TXNRD1: variants seen among roughly 807,000 people sequenced by gnomAD.
TXNRD1 encodes thioredoxin reductase 1, cytoplasmic.
TXNRD1 carries 57 observed loss-of-function variants against 80.3 expected under a neutral mutation model. That is an observed-to-expected ratio of 0.71 (90% CI 0.57 to 0.89). TXNRD1 has a LOEUF of 0.89. Among genes scored for constraint, TXNRD1 ranks in the 40% least tolerant of loss-of-function variants. The probability of loss-of-function intolerance (pLI) is 0.00; values close to 1 mark genes in which losing one functional copy is unlikely to be tolerated. For synonymous variants in TXNRD1, 291 were observed against 285.2 expected (o/e 1.02, Z -0.20); for missense variants, 730 against 803.0 (o/e 0.91, Z 1.10).
chr12:104,303,725 G>GGCCGC lies in TXNRD1; in HGVS notation c.415-7564_415-7560dup, dbSNP rs1369759613. 7.5e-5 allele frequency: 61 copies of GGCCGC among 811,376 alleles called. No homozygotes were observed. In the East Asian group the frequency reaches 1.8e-3, roughly 24 times the overall value. The allele number at this position is 811,376 out of a possible 1,614,324, so 50.3% of individuals were successfully genotyped here. The stretch of plus-strand genomic sequence containing the variant: ...GCTGGGGGCGGGTCGCGCCGGGCCG[G>GGCCGC]GCCGCTAGTGCGCATGGGCGGGCGT... On this transcript the variant is annotated intron_variant, in intron 4 of 16. Coordinates refer to ENST00000525566, the MANE Select transcript of TXNRD1 (RefSeq NM_001093771.3).
intron 11 of TXNRD1, among the ~76,000 whole-genome samples, 192 bp downstream of exon 11, chr12:104,325,621 C>G (rs2035731837): frequency 6.6e-6 from 1 of 152,178 alleles, no homozygotes; most frequent in African/African-American, 2.4e-5. Flanking sequence ...CGCCTGTAAT[C>G]CCAGCACTTT....
chr12:104,307,160 C>G (rs1393999038), intron 4 of TXNRD1, among the ~76,000 whole-genome samples: 2 of 152,104 alleles, frequency 1.3e-5, no homozygotes, highest in Non-Finnish European at 2.9e-5. Flanking sequence ...TGAAATTAAA[C>G]TGACTGCTTA....
chr12:104,242,255 A>G (rs1275370405), intron 1 of TXNRD1, among the ~76,000 whole-genome samples: 1 of 150,874 alleles, frequency 6.6e-6, no homozygotes, highest in Non-Finnish European at 1.5e-5. Flanking sequence ...TGATTTTTTA[A>G]AAGCTCTGTA....
chr12:104,252,470 A>G (rs1418240612), intron 2 of TXNRD1, among the ~76,000 whole-genome samples: 1 of 151,286 alleles, frequency 6.6e-6, no homozygotes, highest in Non-Finnish European at 1.5e-5. Flanking sequence ...TCCACCCTGA[A>G]TAAACCAGGG....
At chr12:104,324,378 G>T (rs1297766228) in intron 10 of TXNRD1, among the ~76,000 whole-genome samples, 1 of 128,626 alleles carries the variant, frequency 7.8e-6, no homozygotes, top group Non-Finnish European at 1.6e-5. Flanking sequence ...TTGAGATGGA[G>T]TCTTGCTCTG....
rs185759255 is a variant in TXNRD1 at position 104,287,321 on chromosome 12, C to T, written c.305-1610C>T. Reference sequence around the variant, plus strand: ...GTGGCGTGTGCGGTTTCGACCCGGTCACACAAAGCTTCAGCATGTCATGTG... The same window carrying T: ...GTGGCGTGTGCGGTTTCGACCCGGTTACACAAAGCTTCAGCATGTCATGTG... On this transcript the variant is annotated intron_variant, in intron 3 of 16. Coordinates refer to ENST00000525566, the MANE Select transcript of TXNRD1 (RefSeq NM_001093771.3). 267 of 1,613,996 alleles carry T rather than the reference C, an allele frequency of 1.7e-4. 1 individual carries two copies. In the African/African-American group the frequency reaches 3.3e-3, roughly 20 times the overall value.
intron 3 of TXNRD1, among the ~76,000 whole-genome samples, chr12:104,261,219 G>A (rs180913647): frequency 1.6e-3 from 246 of 151,508 alleles, no homozygotes; most frequent in African/African-American, 5.4e-3. Context: ...GTTGGAGTGC[G>A]ATGGCACGAT....
chr12:104,251,129 G>A (rs1335275188), intron 1 of TXNRD1, among the ~76,000 whole-genome samples: 1 of 152,166 alleles, frequency 6.6e-6, no homozygotes, highest in African/African-American at 2.4e-5. Flanking sequence ...CTGTAAGCAG[G>A]GTTGTGTTGG....
chr12:104,323,506 A>C (rs1238094460), intron 10 of TXNRD1, among the ~76,000 whole-genome samples: 53 of 142,932 alleles, frequency 3.7e-4, no homozygotes, highest in Non-Finnish European at 7.2e-4. Context: ...CACCTCCCGG[A>C]CGGGGCGGCT....
chr12:104,249,192 C>T (rs950162461), intron 1 of TXNRD1, among the ~76,000 whole-genome samples: 3 of 152,200 alleles, frequency 2.0e-5, no homozygotes, highest in African/African-American at 7.2e-5. Context: ...GGCCCACTTC[C>T]TGATTCTCAG....
intron 3 of TXNRD1, among the ~76,000 whole-genome samples, chr12:104,272,990 CA>C (rs148264434): frequency 4.8e-5 from 7 of 147,216 alleles, no homozygotes; most frequent in African/African-American, 2.5e-5. Flanking sequence ...GACTCCATCT[CA>C]AAAAAAAAAG....
intron 4 of TXNRD1, chr12:104,304,482 A>G (rs1311146440): frequency 6.2e-7 from 1 of 1,613,912 alleles, no homozygotes; most frequent in Non-Finnish European, 8.5e-7. Context: ...TCTGCACCAA[A>G]GCCCCGACTT....
chr12:104,216,230 T>C (rs1477740950), intron 1 of TXNRD1, among the ~76,000 whole-genome samples: 1 of 152,182 alleles, frequency 6.6e-6, no homozygotes, highest in African/African-American at 2.4e-5. Flanking sequence ...TCAGGGCCCG[T>C]TAGGGCGTCC....
At chr12:104,257,278 T>A (rs529294447) in intron 2 of TXNRD1, among the ~76,000 whole-genome samples, 1 of 152,222 alleles carries the variant, frequency 6.6e-6, no homozygotes, top group Admixed American at 6.5e-5. Flanking sequence ...CATAATAGGT[T>A]TTTTGTAACT....
In TXNRD1 at chr12:104,327,657, G is replaced by A. The variant is rs762180731; in HGVS notation, c.1528G>A (p.Gly510Ser). 1 of 1,613,570 alleles carries A rather than the reference G, an allele frequency of 6.2e-7. No individual in the cohort carries two copies. Among genetic ancestry groups the A allele is most frequent in the Non-Finnish European group, 8.5e-7 (1 of 1,179,800 alleles). Residue 510 changes from glycine (G) to serine (S), a missense_variant, in exon 13 of 17, where the codon GGT becomes AGT. Gly to Ser is a moderately conservative substitution (Grantham distance 56). Transcript: ENST00000525566. ...GRLLAQRLYA[G>S]STVKCDYENV... ...ATTGCTGGCTCAGAGGCTCTATGCAGGTTCCACTGTCAAGGTGAGTGTTGT... is the reference window on the plus strand; with the variant it reads ...ATTGCTGGCTCAGAGGCTCTATGCAAGTTCCACTGTCAAGGTGAGTGTTGT...
At chr12:104,230,590 T>A (rs1174263717) in intron 1 of TXNRD1, among the ~76,000 whole-genome samples, 1 of 152,240 alleles carries the variant, frequency 6.6e-6, no homozygotes, top group Non-Finnish European at 1.5e-5. Flanking sequence ...CATATTTTCA[T>A]GTGCTTACTG....
rs2035715873 is a variant in TXNRD1, at chr12:104,325,254, G to A, written c.1216-83G>A. Reference sequence around the variant, plus strand: ...AGCACGATTTTATATTTTAACTTTGGGTTAACCAGATGGAAGGGGAAGGTA... The same window carrying A: ...AGCACGATTTTATATTTTAACTTTGAGTTAACCAGATGGAAGGGGAAGGTA... On this transcript the variant is annotated intron_variant, in intron 10 of 16. Transcript: ENST00000525566. 4 of 1,037,034 alleles carry A rather than the reference G, an allele frequency of 3.9e-6. No homozygotes were observed. In the South Asian group the frequency reaches 5.5e-5, roughly 14 times the overall value. 64.2% of individuals were successfully genotyped at this position (1,037,034 alleles called of 1,614,324 possible).
intron 3 of TXNRD1, among the ~76,000 whole-genome samples, chr12:104,269,617 G>C (rs1167071233): frequency 1.3e-5 from 2 of 151,664 alleles, no homozygotes; most frequent in Non-Finnish European, 2.9e-5. Context: ...CCCCAGGCTG[G>C]AGTGCAGTGG....
chr12:104,340,797 G>A (rs866997484), intron 16 of TXNRD1, among the ~76,000 whole-genome samples: 1 of 152,068 alleles, frequency 6.6e-6, no homozygotes, highest in African/African-American at 2.4e-5. Flanking sequence ...TGGGGGTTAC[G>A]ACTTGATCAT....
Sources: allele counts gnomAD v4.1 joint callset (sites outside exome capture counted in the v4.1 genomes callset), GRCh38; gene constraint gnomAD v4.1.1; transcripts MANE v1.5; gene names NCBI Gene and HGNC (gene_info 2026-07-23, HGNC 2026-07-21).